ANKRD27: variants seen among roughly 807,000 people sequenced by gnomAD.
ANKRD27 encodes the protein ankyrin repeat domain 27, also known as ankyrin repeat domain-containing protein 27.
ANKRD27 carries 112 observed loss-of-function variants against 129.7 expected under a neutral mutation model. That is an observed-to-expected ratio of 0.86 (90% CI 0.74 to 1.01). The LOEUF is 1.01. Ranked by LOEUF, ANKRD27 falls within the 50% of genes least tolerant of loss-of-function variation. The probability of loss-of-function intolerance (pLI) is 0.00; values close to 1 mark genes in which losing one functional copy is unlikely to be tolerated. For synonymous variants in ANKRD27, 516 were observed against 511.2 expected (o/e 1.01, Z -0.13); for missense variants, 1,258 against 1,300.5 (o/e 0.97, Z 0.50).
At chr19:32,670,828 C>T (rs759625133) in intron 1 of ANKRD27, among the ~76,000 whole-genome samples, 5 of 151,942 alleles carry the variant, frequency 3.3e-5, no homozygotes, top group Non-Finnish European at 7.4e-5. Flanking sequence ...CCTGTCTCTA[C>T]TAAAAATACA....
At chr19:32,612,556 C>T (rs979615709) in intron 22 of ANKRD27, among the ~76,000 whole-genome samples, 2 of 152,142 alleles carry the variant, frequency 1.3e-5, no homozygotes, top group Non-Finnish European at 2.9e-5. Flanking sequence ...AATACTGAGG[C>T]TTACTACACA....
intron 24 of ANKRD27, among the ~76,000 whole-genome samples, chr19:32,605,556 G>T (rs1971719229): frequency 6.6e-6 from 1 of 152,222 alleles, no homozygotes; most frequent in South Asian, 2.1e-4. Context: ...CCATGCTCAG[G>T]TAACAGCGTG....
chr19:32,599,813 C>T, intron 27 of ANKRD27, 37 bp from the exon 28 acceptor site: 1 of 1,605,436 alleles, frequency 6.2e-7, no homozygotes, highest in Non-Finnish European at 8.5e-7. Flanking sequence ...ATATTTGGGA[C>T]AGTGGCATGA....
Position 32,660,531 on chromosome 19 carries a change from A to G in ANKRD27, c.-30-1486T>C, listed in dbSNP as rs368626151. On this transcript the variant is annotated intron_variant, in intron 1 of 28. Transcript: ENST00000306065. Reference sequence around the variant, plus strand: ...AGACTCCGTTTCAAAAAAAAGAAAAAGAAAGAGGCCTGGGAGAGCTCCTTT... The same window carrying G: ...AGACTCCGTTTCAAAAAAAAGAAAAGGAAAGAGGCCTGGGAGAGCTCCTTT... Among the ~76,000 whole-genome samples, 539 of 152,250 alleles carry G rather than the reference A, an allele frequency of 3.5e-3. 1 individual carries two copies. Among genetic ancestry groups the G allele is most frequent in the African/African-American group, 0.013 (526 of 41,540 alleles).
chr19:32,616,869 C>T (rs1240590579), intron 21 of ANKRD27, among the ~76,000 whole-genome samples: 1 of 152,146 alleles, frequency 6.6e-6, no homozygotes, highest in Non-Finnish European at 1.5e-5. Flanking sequence ...CACCACTGGG[C>T]TCTGCCTTCG....
intron 13 of ANKRD27, 96 bp from the exon 14 acceptor site, chr19:32,628,945 G>C (rs1228647385): frequency 5.7e-6 from 8 of 1,415,498 alleles, no homozygotes; most frequent in African/African-American, 1.4e-5. Flanking sequence ...TTTTGAGATG[G>C]AGTCTCGTCC....
intron 20 of ANKRD27, among the ~76,000 whole-genome samples, 175 bp from the exon 21 acceptor site, chr19:32,617,808 G>A (rs1453338438): frequency 6.7e-6 from 1 of 148,254 alleles, no homozygotes; most frequent in Admixed American, 6.8e-5. Context: ...AGGATGGAGT[G>A]CAGTGGCGCA....
intron 18 of ANKRD27, among the ~76,000 whole-genome samples, chr19:32,620,857 G>A (rs954427140): frequency 8.0e-6 from 1 of 124,278 alleles, no homozygotes; most frequent in Admixed American, 1.0e-4. Context: ...CTGTACTCCA[G>A]TTTGGGCAAT....
intron 12 of ANKRD27, among the ~76,000 whole-genome samples, chr19:32,633,262 G>A (rs753585269): frequency 2.0e-5 from 3 of 151,626 alleles, no homozygotes; most frequent in African/African-American, 2.4e-5. Context: ...ACCCAGTAAC[G>A]TAAGGAAGGC....
In ANKRD27 at chr19:32,628,077, A is replaced by G; in HGVS notation, c.1420+6T>C. ...AGCCCCTAGGGGCCAGCCCAGGACC[A>G]CATACCACAGACAGCAGCCACATGG... is the stretch of plus-strand genomic sequence containing the variant. On this transcript the variant is annotated splice_donor_region_variant and intron_variant, in intron 15 of 28. Coordinates refer to ENST00000306065, the MANE Select transcript of ANKRD27 (RefSeq NM_032139.3). 6.2e-7 allele frequency: 1 copy of G among 1,614,034 alleles called. No individual in the cohort carries two copies. Among genetic ancestry groups the G allele is most frequent in the Non-Finnish European group, 8.5e-7 (1 of 1,179,870 alleles).
chr19:32,628,328 G>C (rs1318995613), intron 14 of ANKRD27, among the ~76,000 whole-genome samples, 163 bp from the exon 15 acceptor site: 1 of 152,180 alleles, frequency 6.6e-6, no homozygotes, highest in Non-Finnish European at 1.5e-5. Flanking sequence ...CCAGCATGAG[G>C]AACAGAGGCA....
At chr19:32,644,612 C>T in intron 4 of ANKRD27, 133 bp from the exon 5 acceptor site, 1 of 1,049,826 alleles carries the variant, frequency 9.5e-7, no homozygotes, top group Non-Finnish European at 1.4e-6. Flanking sequence ...CAAGAACAGC[C>T]CAGTTACAGG....
chr19:32,616,655 A>ACT (rs1971925209), intron 21 of ANKRD27, among the ~76,000 whole-genome samples: 2 of 151,266 alleles, frequency 1.3e-5, no homozygotes, highest in Non-Finnish European at 2.9e-5. Context: ...TCCAATGTCC[A>ACT]CTCATTTCAC....
At chr19:32,630,296 C>T (rs905858664) in intron 13 of ANKRD27, among the ~76,000 whole-genome samples, 3 of 152,242 alleles carry the variant, frequency 2.0e-5, no homozygotes, top group African/African-American at 7.2e-5. Flanking sequence ...CAGCCTCCCC[C>T]AGGGGGCTCT....
chr19:32,623,944 G>GT (rs1972051675), intron 17 of ANKRD27, among the ~76,000 whole-genome samples: 1 of 152,136 alleles, frequency 6.6e-6, no homozygotes, highest in South Asian at 2.1e-4. Flanking sequence ...TCCTTCTGCT[G>GT]TAACAAACCA....
At chr19:32,639,919 T>C (rs549775118) in intron 11 of ANKRD27, among the ~76,000 whole-genome samples, 2 of 152,174 alleles carry the variant, frequency 1.3e-5, no homozygotes, top group East Asian at 3.9e-4. Flanking sequence ...CAATTGAAGA[T>C]GGGCTTTTCC....
chr19:32,665,312 C>T (rs1334847215), intron 1 of ANKRD27, among the ~76,000 whole-genome samples: 2 of 141,128 alleles, frequency 1.4e-5, no homozygotes, highest in Non-Finnish European at 3.0e-5. Flanking sequence ...TTTTTTGAGA[C>T]AGAGTCTCGC....
chr19:32,672,407 C>G (rs1484796978), intron 1 of ANKRD27, among the ~76,000 whole-genome samples: 1 of 152,214 alleles, frequency 6.6e-6, no homozygotes, highest in Non-Finnish European at 1.5e-5. Flanking sequence ...AGCCCTGCGC[C>G]TGGTTCCCTG....
chr19:32,671,006 C>G (rs889270783), intron 1 of ANKRD27, among the ~76,000 whole-genome samples: 4 of 151,700 alleles, frequency 2.6e-5, no homozygotes, highest in Non-Finnish European at 4.4e-5. Flanking sequence ...AAAAAAAAAT[C>G]TGTAATATGC....
Sources: gnomAD v4.1 joint callset for allele counts (sites outside exome capture counted in the v4.1 genomes callset) on GRCh38, gnomAD v4.1.1 for gene constraint, MANE v1.5 for transcripts, NCBI Gene and HGNC (gene_info 2026-07-23, HGNC 2026-07-21) for gene names.